Variants in PDZD2 observed in about 807,000 individuals in gnomAD.
PDZD2 encodes the protein PDZ domain-containing protein 2.
PDZD2 carries 90 observed loss-of-function variants against 220.7 expected under a neutral mutation model. That is an observed-to-expected ratio of 0.41 (90% CI 0.34 to 0.49). The LOEUF is 0.49. PDZD2 is among the 20% of genes least tolerant of loss of function. The pLI is 0.28. For missense variants in PDZD2, 3,174 were observed against 3,608.5 expected (o/e 0.88, Z 3.08); for synonymous variants, 1,375 against 1,450.5 (o/e 0.95, Z 1.18).
At chr5:31,696,417 G>A (rs753112534) in intron 1 of PDZD2, among the ~76,000 whole-genome samples, 19 of 152,128 alleles carry the variant, frequency 1.2e-4, no homozygotes, top group Non-Finnish European at 2.6e-4. Flanking sequence ...TCCTGCTTCA[G>A]CCTCTTCAGC....
intron 1 of PDZD2, among the ~76,000 whole-genome samples, chr5:31,755,610 G>A (rs1354489394): frequency 7.3e-6 from 1 of 136,120 alleles, no homozygotes; most frequent in African/African-American, 2.9e-5. Flanking sequence ...TCTTTAGGTG[G>A]TGTGTCTTTT....
chr5:32,035,871 A>G (rs963049017), intron 6 of PDZD2, among the ~76,000 whole-genome samples: 2 of 152,240 alleles, frequency 1.3e-5, no homozygotes, highest in South Asian at 2.1e-4. Context: ...ACTCCAGACA[A>G]CTGTCAGGCT....
chr5:31,743,169 T>G (rs1233906767), intron 1 of PDZD2, among the ~76,000 whole-genome samples: 1 of 151,302 alleles, frequency 6.6e-6, no homozygotes, highest in Non-Finnish European at 1.5e-5. Flanking sequence ...TAGGTTATAT[T>G]CTTTTTTCTT....
chr5:32,100,685 A>C, intron 23 of PDZD2: 1 of 377,826 alleles, frequency 2.6e-6, no homozygotes, highest in South Asian at 2.0e-5. Flanking sequence ...TTGGTACCAG[A>C]GGATGATCTG....
At chr5:31,889,606 G>A (rs2150346183) in intron 2 of PDZD2, among the ~76,000 whole-genome samples, 1 of 152,294 alleles carries the variant, frequency 6.6e-6, no homozygotes, top group Middle Eastern at 3.4e-3. Context: ...GGGAGCCAAG[G>A]GGGAAAAGCC....
At chr5:32,028,681 T>TTTTTTTTTTTTTG (rs1754875901) in intron 6 of PDZD2, among the ~76,000 whole-genome samples, 1 of 142,590 alleles carries the variant, frequency 7.0e-6, no homozygotes, top group Non-Finnish European at 1.5e-5. Context: ...TTTTGTTTTT[T>TTTTTTTTTTTTTG]TTGTTTTTTT....
intron 24 of PDZD2, among the ~76,000 whole-genome samples, chr5:32,105,874 AATTT>A (rs57756356): frequency 0.013 from 1,939 of 152,200 alleles, 32 homozygotes; most frequent in African/African-American, 0.045. Context: ...TAAACGAGAG[AATTT>A]ATTTCTCTCT....
chr5:32,069,448 A>T (rs745768568), intron 14 of PDZD2, 121 bp from the exon 15 acceptor site: 1 of 661,964 alleles, frequency 1.5e-6, no homozygotes, highest in Non-Finnish European at 2.8e-6. Flanking sequence ...GATGGTCATA[A>T]TCCTTGGCCC....
At chr5:31,850,868 C>T (rs1489813552) in intron 2 of PDZD2, among the ~76,000 whole-genome samples, 2 of 152,024 alleles carry the variant, frequency 1.3e-5, no homozygotes, top group African/African-American at 2.4e-5. Context: ...GATCTCCTGA[C>T]CTCGTGTTCC....
chr5:31,840,608 C>A, intron 2 of PDZD2: 3 of 716,506 alleles, frequency 4.2e-6, no homozygotes, highest in East Asian at 2.6e-5. Flanking sequence ...ACCCAGGTAC[C>A]TTTCTGATAG....
intron 1 of PDZD2, among the ~76,000 whole-genome samples, chr5:31,731,041 T>C (rs944436572): frequency 1.3e-5 from 2 of 152,238 alleles, no homozygotes; most frequent in African/African-American, 2.4e-5. Context: ...CCCAAGGTAT[T>C]TGCAAGCCTA....
At chr5:31,967,154 C>G (rs1186627148) in intron 2 of PDZD2, among the ~76,000 whole-genome samples, 1 of 152,148 alleles carries the variant, frequency 6.6e-6, no homozygotes, top group East Asian at 1.9e-4. Flanking sequence ...GGAGCGGACG[C>G]TGGGAAGAAT....
intron 2 of PDZD2, among the ~76,000 whole-genome samples, chr5:31,894,232 GTGCTCTA>G (rs1278762033): frequency 6.6e-6 from 1 of 151,816 alleles, no homozygotes; most frequent in Non-Finnish European, 1.5e-5. Flanking sequence ...CATTTTAAGG[GTGCTCTA>G]TATTAGTGGA....
chr5:31,895,799 AG>A (rs1741497616), intron 2 of PDZD2, among the ~76,000 whole-genome samples: 1 of 151,976 alleles, frequency 6.6e-6, no homozygotes, highest in South Asian at 2.1e-4. Flanking sequence ...TCCAAAAGAC[AG>A]TGTTATTATG....
chr5:31,672,858 CG>C (rs922520377), intron 1 of PDZD2, among the ~76,000 whole-genome samples: 6 of 152,156 alleles, frequency 3.9e-5, no homozygotes, highest in African/African-American at 1.4e-4. Flanking sequence ...TTGGACAGAG[CG>C]GGGGCTCCCT....
rs73056564 is a variant in PDZD2, at chr5:31,735,367, C to G, written c.-360-63522C>G. ...TCCTATTCTCCTGGTAGTTGGATCT[C>G]GATGCTTTTTTAAAATCTGTAAGAT... On this transcript the variant is annotated intron_variant, in intron 1 of 24. Coordinates refer to ENST00000438447, the MANE Select transcript of PDZD2 (RefSeq NM_178140.4). Among the ~76,000 whole-genome samples the G allele has an allele frequency of 2.9e-3, 435 of 152,142 alleles. 5 individuals are homozygous for G. Among genetic ancestry groups the G allele is most frequent in the African/African-American group, 0.01 (419 of 41,488 alleles).
At chr5:31,722,067 G>A (rs1456299181) in intron 1 of PDZD2, among the ~76,000 whole-genome samples, 2 of 152,060 alleles carry the variant, frequency 1.3e-5, no homozygotes, top group African/African-American at 4.8e-5. Context: ...CAGGTGCACT[G>A]CTTCCATCCC....
chr5:31,799,796 CAG>C, intron 2 of PDZD2, 72 bp downstream of exon 2: 1 of 984,482 alleles, frequency 1.0e-6, no homozygotes. Flanking sequence ...TCTGCAGCTG[CAG>C]AGGTTTATGA....
intron 14 of PDZD2, among the ~76,000 whole-genome samples, chr5:32,067,594 T>G (rs977711705): frequency 3.9e-5 from 6 of 152,198 alleles, no homozygotes; most frequent in Admixed American, 3.9e-4. Context: ...GAAATATTTA[T>G]TAAGACAAAT....
Sources: allele counts gnomAD v4.1 joint callset (sites outside exome capture counted in the v4.1 genomes callset), GRCh38; gene constraint gnomAD v4.1.1; transcripts MANE v1.5; gene names NCBI Gene and HGNC (gene_info 2026-07-23, HGNC 2026-07-21).